Variants in NKAIN2 observed in about 807,000 individuals in gnomAD.
The protein encoded by NKAIN2 is sodium/potassium-transporting ATPase subunit beta-1-interacting protein 2.
Under a neutral mutation model 32.6 loss-of-function variants are expected in NKAIN2, and 14 were observed. That is an observed-to-expected ratio of 0.43 (90% CI 0.28 to 0.67). The LOEUF (loss-of-function observed/expected upper bound fraction) is 0.67. NKAIN2 is among the 30% of genes least tolerant of loss of function. NKAIN2 has a pLI of 0.17. For missense variants in NKAIN2, 198 were observed against 258.3 expected (o/e 0.77, Z 1.60); for synonymous variants, 80 against 87.2 (o/e 0.92, Z 0.46).
At chr6:124,129,691 C>G (rs1459961142) in intron 1 of NKAIN2, among the ~76,000 whole-genome samples, 3 of 152,082 alleles carry the variant, frequency 2.0e-5, no homozygotes, top group African/African-American at 7.2e-5. Context: ...AATCTCAGTT[C>G]ACTGCACCCT....
chr6:124,490,279 C>A, intron 3 of NKAIN2: 1 of 389,866 alleles, frequency 2.6e-6, no homozygotes, highest in Non-Finnish European at 5.0e-6. Flanking sequence ...CCACCAATTA[C>A]AGAATGTCAG....
chr6:124,264,966 A>G (rs753619998), intron 1 of NKAIN2, among the ~76,000 whole-genome samples: 2 of 152,188 alleles, frequency 1.3e-5, no homozygotes, highest in African/African-American at 2.4e-5. Context: ...GTGTTGATAG[A>G]AATCACTGCA....
chr6:124,807,323 G>C (rs1780621245), intron 5 of NKAIN2, among the ~76,000 whole-genome samples: 1 of 151,532 alleles, frequency 6.6e-6, no homozygotes, highest in East Asian at 1.9e-4. Flanking sequence ...CTAGAACTCA[G>C]GATTAAGAAA....
At chr6:124,203,015 A>G (rs1790668828) in intron 1 of NKAIN2, among the ~76,000 whole-genome samples, 1 of 151,928 alleles carries the variant, frequency 6.6e-6, no homozygotes, top group South Asian at 2.1e-4. Context: ...GTCATGTAGT[A>G]TAGCTCTGTC....
chr6:124,438,872 A>C (rs190478263), intron 3 of NKAIN2, among the ~76,000 whole-genome samples: 13 of 152,212 alleles, frequency 8.5e-5, no homozygotes, highest in African/African-American at 2.9e-4. Flanking sequence ...ATGTTTCTCC[A>C]GTGTATCCTT....
intron 1 of NKAIN2, among the ~76,000 whole-genome samples, chr6:123,934,407 C>T (rs2114531360): frequency 6.6e-6 from 1 of 152,246 alleles, no homozygotes; most frequent in Non-Finnish European, 1.5e-5. Context: ...AGCCTAAGTC[C>T]TCTCTAAAAC....
intron 1 of NKAIN2, among the ~76,000 whole-genome samples, chr6:124,137,040 G>A (rs1479813192): frequency 6.6e-6 from 1 of 151,926 alleles, no homozygotes; most frequent in African/African-American, 2.4e-5. Context: ...GAAACAAAGG[G>A]CATCTAAATT....
Position 124,339,211 on chromosome 6 carries a change from C to T in NKAIN2, c.193-16056C>T, listed in dbSNP as rs371615585. 1.2e-3 allele frequency among the ~76,000 whole-genome samples: 182 copies of T among 152,112 alleles called. 1 individual carries two copies. The highest frequency in any genetic ancestry group is 4.2e-3 in the African/African-American group (175 of 41,502). On this transcript the variant is annotated intron_variant, in intron 2 of 6. Coordinates refer to ENST00000368417, the MANE Select transcript of NKAIN2 (RefSeq NM_001040214.3). The stretch of plus-strand genomic sequence containing the variant: ...CAAAAAGTAGCCGGGCGTGGTGGCG[C>T]GCACCTGTAGTCCCAGCTACTCACC...
intron 3 of NKAIN2, among the ~76,000 whole-genome samples, chr6:124,594,334 G>A (rs994677786): frequency 1.1e-4 from 17 of 152,220 alleles, no homozygotes; most frequent in African/African-American, 4.1e-4. Flanking sequence ...GGCAGAGACA[G>A]AGAGGGGAGC....
Position 124,823,696 on chromosome 6 carries a change from G to A in NKAIN2, c.*467G>A. The A allele has an allele frequency of 6.3e-6, 1 of 159,514 alleles. No homozygotes were observed. Among genetic ancestry groups the A allele is most frequent in the Non-Finnish European group, 1.4e-5 (1 of 72,080 alleles). The allele number at this position is 159,514 out of a possible 1,614,324, so 9.9% of individuals were successfully genotyped here. A position where few individuals can be genotyped will look rare whatever the true frequency, so the allele number is the denominator to read the frequency against. Reference sequence around the variant, plus strand: ...CCACGGCTACTTAGGCAATGTAATTGCAAAAACAAACGAAACATGCCATGA... The same window carrying A: ...CCACGGCTACTTAGGCAATGTAATTACAAAAACAAACGAAACATGCCATGA... On this transcript the variant is annotated 3_prime_UTR_variant, in exon 7 of 7. Transcript: ENST00000368417.
In NKAIN2 at chr6:124,217,802, T is replaced by C. The variant is rs1057089264; in HGVS notation, c.55-65203T>C. On this transcript the variant is annotated intron_variant, in intron 1 of 6. Transcript: ENST00000368417. ...ATATATATGTACACACACACACATA[T>C]ACACACACACACATATCTATATATA... 3.3e-5 allele frequency among the ~76,000 whole-genome samples: 5 copies of C among 151,786 alleles called. No homozygotes were observed. In the East Asian group the frequency reaches 7.7e-4, roughly 23 times the overall value.
chr6:124,163,536 A>C (rs1246234245), intron 1 of NKAIN2, among the ~76,000 whole-genome samples: 1 of 151,826 alleles, frequency 6.6e-6, no homozygotes, highest in Non-Finnish European at 1.5e-5. Flanking sequence ...GTATCCCATC[A>C]TTAGAATTTT....
chr6:124,068,761 G>T (rs530240446), intron 1 of NKAIN2, among the ~76,000 whole-genome samples: 6 of 130,044 alleles, frequency 4.6e-5, no homozygotes, highest in African/African-American at 1.7e-4. Context: ...ATAAAAACGG[G>T]GAAGGGAACC....
rs139086247 is a variant in NKAIN2, at chr6:124,564,543, G to C, written c.274-93643G>C. ...CCTGCTCGGGTCCCATTACACGGAAGCTTTGCTCTTTCACTCTTCACAATA... is the reference window on the plus strand; with the variant it reads ...CCTGCTCGGGTCCCATTACACGGAACCTTTGCTCTTTCACTCTTCACAATA... On this transcript the variant is annotated intron_variant, in intron 3 of 6. Coordinates refer to ENST00000368417, the MANE Select transcript of NKAIN2 (RefSeq NM_001040214.3). Among the ~76,000 whole-genome samples, 438 of 152,302 alleles carry C rather than the reference G, an allele frequency of 2.9e-3. 1 individual carries two copies. The highest frequency in any genetic ancestry group is 0.01 in the African/African-American group (416 of 41,570).
intron 1 of NKAIN2, among the ~76,000 whole-genome samples, chr6:124,036,421 A>AT (rs1781606927): frequency 6.6e-6 from 1 of 151,996 alleles, no homozygotes; most frequent in Non-Finnish European, 1.5e-5. Context: ...TTCCATTGTA[A>AT]TTTCCTTATG....
intron 1 of NKAIN2, among the ~76,000 whole-genome samples, chr6:124,023,101 A>C (rs1210331780): frequency 2.0e-5 from 3 of 151,498 alleles, no homozygotes; most frequent in South Asian, 4.2e-4. Context: ...TGTATATAAA[A>C]AGTATATATT....
rs761737383 is a variant in NKAIN2 at position 124,687,342 on chromosome 6, CATATA to C, written c.474+28962_474+28966del. Reference sequence around the variant, plus strand: ...GTAATATATATATTCCATACATATACATATAATATATATATTCCATACATACACAT... The same window carrying C: ...GTAATATATATATTCCATACATATACATATATATATTCCATACATACACAT... On this transcript the variant is annotated intron_variant, in intron 4 of 6. Coordinates refer to ENST00000368417, the MANE Select transcript of NKAIN2 (RefSeq NM_001040214.3). Among the ~76,000 whole-genome samples, 50 of 131,384 alleles carry C rather than the reference CATATA, an allele frequency of 3.8e-4. 1 individual carries two copies. The highest frequency in any genetic ancestry group is 4.7e-4 in the Non-Finnish European group (29 of 61,056). The allele number at this position is 131,384 out of a possible 152,430, so 86.2% of individuals were successfully genotyped here.
chr6:124,408,151 G>C (rs1773958503), intron 3 of NKAIN2, among the ~76,000 whole-genome samples: 1 of 151,980 alleles, frequency 6.6e-6, no homozygotes, highest in Non-Finnish European at 1.5e-5. Flanking sequence ...TAGGTTGCCT[G>C]TTCACTCTGA....
chr6:124,796,582 G>A (rs1178091858), intron 5 of NKAIN2, among the ~76,000 whole-genome samples: 1 of 152,066 alleles, frequency 6.6e-6, no homozygotes, highest in Non-Finnish European at 1.5e-5. Context: ...TTGCTGCCAG[G>A]CCAGCTCCAT....
Sources: gnomAD v4.1 joint callset for allele counts (sites outside exome capture counted in the v4.1 genomes callset) on GRCh38, gnomAD v4.1.1 for gene constraint, MANE v1.5 for transcripts, NCBI Gene and HGNC (gene_info 2026-07-23, HGNC 2026-07-21) for gene names.